ZNF439: variants seen among roughly 807,000 people sequenced by gnomAD.
ZNF439 encodes zinc finger protein 439.
Under a neutral mutation model 47.3 loss-of-function variants are expected in ZNF439, and 40 were observed. The observed-to-expected ratio is 0.85, with a 90% CI of 0.66 to 1.10. ZNF439 has a LOEUF of 1.10. Ranked by LOEUF, ZNF439 falls within the 50% of genes least tolerant of loss-of-function variation. ZNF439 has a pLI of 0.00. For synonymous variants in ZNF439, 171 were observed against 198.8 expected (o/e 0.86, Z 1.18); for missense variants, 556 against 601.1 (o/e 0.93, Z 0.78).
At chr19:11,867,177 A>G (rs753164778) in intron 3 of ZNF439, 129 bp from the exon 4 acceptor site, 2 of 1,155,920 alleles carry the variant, frequency 1.7e-6, no homozygotes, top group Non-Finnish European at 2.4e-6. Flanking sequence ...GTCACCTTCA[A>G]ACAATTCAGA....
Position 11,867,415 on chromosome 19 carries a change from C to T in ZNF439, c.361C>T (p.Pro121Ser). 6.2e-7 allele frequency: 1 copy of T among 1,613,990 alleles called. No homozygotes were observed. The highest frequency in any genetic ancestry group is 8.5e-7 in the Non-Finnish European group (1 of 1,179,906). Reference protein sequence around the residue: ...RLNFQKKKASPEVKSCDSFVC... With the variant: ...RLNFQKKKASSEVKSCDSFVC... Reference sequence around the variant, plus strand: ...GAACTTCCAGAAGAAGAAAGCTTCTCCTGAAGTAAAATCATGTGACAGCTT... The same window carrying T: ...GAACTTCCAGAAGAAGAAAGCTTCTTCTGAAGTAAAATCATGTGACAGCTT... Residue 121 changes from proline (P) to serine (S), a missense_variant, in exon 4 of 4, where the codon CCT (proline) becomes TCT (serine). Pro to Ser is a moderately conservative substitution (Grantham distance 74). Coordinates refer to ENST00000682736, the MANE Select transcript of ZNF439 (RefSeq NM_001348719.2).
intron 1 of ZNF439, among the ~76,000 whole-genome samples, chr19:11,860,686 T>G (rs1976516368): frequency 6.6e-6 from 1 of 152,100 alleles, no homozygotes. Flanking sequence ...GCCCTGAGCT[T>G]CTAGTGCCCT....
intron 1 of ZNF439, among the ~76,000 whole-genome samples, chr19:11,860,161 G>A (rs1391746668): frequency 6.6e-6 from 1 of 152,244 alleles, no homozygotes; most frequent in South Asian, 2.1e-4. Context: ...AAAACTTTAA[G>A]CAACTGCACA....
At chr19:11,860,600 C>G (rs536328519) in intron 1 of ZNF439, among the ~76,000 whole-genome samples, 1 of 151,978 alleles carries the variant, frequency 6.6e-6, no homozygotes, top group Non-Finnish European at 1.5e-5. Flanking sequence ...GGAGGACGAA[C>G]GCGGGAATAA....
At chr19:11,867,214 G>A in intron 3 of ZNF439, 92 bp from the exon 4 acceptor site, 2 of 1,406,272 alleles carry the variant, frequency 1.4e-6, no homozygotes, top group Non-Finnish European at 1.9e-6. Flanking sequence ...CACTTTGATG[G>A]AGAGTGTTAA....
chr19:11,865,718 A>AAAG (rs1976656650), intron 1 of ZNF439, among the ~76,000 whole-genome samples: 1 of 92,890 alleles, frequency 1.1e-5, no homozygotes, highest in African/African-American at 2.8e-5. Context: ...ATCACAAAAA[A>AAAG]AAAAAAAAAA....
intron 1 of ZNF439, chr19:11,857,073 A>G (rs1342899244): frequency 6.6e-6 from 1 of 152,248 alleles, no homozygotes; most frequent in African/African-American, 2.4e-5. Context: ...CTGAAAGTCC[A>G]GAGATCCTTA....
Position 11,867,396 on chromosome 19 carries a change from C to A in ZNF439, c.342C>A (p.Phe114Leu), listed in dbSNP as rs1412952620. ...CAGTTCCAGATGACAGGCTGAACTT[C>A]CAGAAGAAGAAAGCTTCTCCTGAAG... is the stretch of plus-strand genomic sequence containing the variant. Reference protein sequence around the residue: ...FTPVPDDRLNFQKKKASPEVK... With the variant: ...FTPVPDDRLNLQKKKASPEVK... The change falls in exon 4 of 4, where the codon TTC becomes TTA. Residue 114 changes from phenylalanine (F) to leucine (L), a missense_variant. Transcript: ENST00000682736. The A allele has an allele frequency of 1.9e-6, 3 of 1,613,958 alleles. No individual in the cohort carries two copies. Among genetic ancestry groups the A allele is most frequent in the Non-Finnish European group, 2.5e-6 (3 of 1,179,872 alleles).
At position 11,867,726 on chromosome 19, in the gene ZNF439, TG is replaced by T. The variant is rs1976733146; in HGVS notation, c.675del (p.Ala227HisfsTer124). 5 of 1,614,092 alleles carry T rather than the reference TG, an allele frequency of 3.1e-6. No homozygotes were observed. The highest frequency in any genetic ancestry group is 4.2e-6 in the Non-Finnish European group (5 of 1,180,030). Reference protein sequence around the residue: ...GDGPYKCKFCGKAFHCLSLYL... With the variant: ...GDGPYKCKFCXKAFHCLSLYL... ...ATGGACCTTATAAATGTAAGTTTTG[TG>T]GGAAAGCATTCCATTGTCTCAGTTT... On this transcript the variant is annotated frameshift_variant, in exon 4 of 4. Transcript: ENST00000682736. LOFTEE classifies it high-confidence loss of function.
intron 1 of ZNF439, among the ~76,000 whole-genome samples, chr19:11,861,352 T>TAACCAGGAAAAG (rs1976535420): frequency 6.6e-6 from 1 of 152,166 alleles, no homozygotes; most frequent in Non-Finnish European, 1.5e-5. Context: ...CTCCTATCTT[T>TAACCAGGAAAAG]TCCTGGTTTT....
At chr19:11,855,418 CATA>C (rs983043769) in intron 1 of ZNF439, among the ~76,000 whole-genome samples, 2 of 152,120 alleles carry the variant, frequency 1.3e-5, no homozygotes, top group African/African-American at 4.8e-5. Context: ...GGAACCAAAA[CATA>C]ATAAGTACAT....
intron 1 of ZNF439, among the ~76,000 whole-genome samples, chr19:11,855,312 G>A (rs375467760): frequency 3.3e-5 from 5 of 152,172 alleles, no homozygotes; most frequent in Admixed American, 3.3e-4. Context: ...TCCATGGAGG[G>A]GGGTAGGAAC....
In ZNF439 at chr19:11,868,246, C is replaced by G; in HGVS notation, c.1192C>G (p.Arg398Gly). The change falls in exon 4 of 4, where the codon CGT becomes GGT. Residue 398 changes from arginine (R) to glycine (G), a missense_variant. Coordinates refer to ENST00000682736, the MANE Select transcript of ZNF439 (RefSeq NM_001348719.2). ...KCKQCGKAFT[R>G]SGSFRYHERT... ...CAAGCAATGTGGTAAAGCCTTCACTCGTTCCGGTTCCTTTCGATATCATGA... is the reference window on the plus strand; with the variant it reads ...CAAGCAATGTGGTAAAGCCTTCACTGGTTCCGGTTCCTTTCGATATCATGA... 2 of 1,612,974 alleles carry G rather than the reference C, an allele frequency of 1.2e-6. No individual in the cohort carries two copies. The highest frequency in any genetic ancestry group is 1.7e-6 in the Non-Finnish European group (2 of 1,179,710).
intron 1 of ZNF439, among the ~76,000 whole-genome samples, chr19:11,853,690 T>G (rs1290718974): frequency 6.6e-6 from 1 of 152,188 alleles, no homozygotes; most frequent in African/African-American, 2.4e-5. Flanking sequence ...GGTCACAACC[T>G]TTGGGCCTTG....
chr19:11,860,621 A>G (rs1976513742), intron 1 of ZNF439, among the ~76,000 whole-genome samples: 1 of 152,196 alleles, frequency 6.6e-6, no homozygotes, highest in Non-Finnish European at 1.5e-5. Context: ...AGACAAAGAC[A>G]AAAGAATATG....
intron 3 of ZNF439, among the ~76,000 whole-genome samples, chr19:11,866,988 T>G (rs1976702793): frequency 6.6e-6 from 1 of 152,160 alleles, no homozygotes; most frequent in African/African-American, 2.4e-5. Flanking sequence ...TGGTAAGCTA[T>G]GATGATACCA....
At chr19:11,852,189 G>A (rs1976264843) in intron 1 of ZNF439, among the ~76,000 whole-genome samples, 1 of 152,150 alleles carries the variant, frequency 6.6e-6, no homozygotes. Context: ...ACTTTGGGAG[G>A]CTGAGGCAGG....
At chr19:11,860,513 C>T (rs1218078636) in intron 1 of ZNF439, among the ~76,000 whole-genome samples, 3 of 152,164 alleles carry the variant, frequency 2.0e-5, no homozygotes, top group African/African-American at 7.2e-5. Context: ...TCTGCTCCAG[C>T]AAGCTTTCTT....
intron 2 of ZNF439, 98 bp downstream of exon 2, chr19:11,866,429 T>C: frequency 3.1e-6 from 5 of 1,604,068 alleles, no homozygotes; most frequent in East Asian, 2.2e-5. Context: ...CAGGAAATAC[T>C]TTGATGAATA....
Sources: gnomAD v4.1 joint callset for allele counts (sites outside exome capture counted in the v4.1 genomes callset) on GRCh38, gnomAD v4.1.1 for gene constraint, MANE v1.5 for transcripts, NCBI Gene and HGNC (gene_info 2026-07-23, HGNC 2026-07-21) for gene names.